Variants in SHC3 observed in about 807,000 individuals in gnomAD.
SHC3 encodes the protein SHC-transforming protein 3.
SHC3 carries 15 observed loss-of-function variants against 60.4 expected under a neutral mutation model. The observed-to-expected ratio is 0.25, with a 90% CI of 0.17 to 0.38. SHC3 has a LOEUF of 0.38. SHC3 is among the 10% of genes least tolerant of loss of function. The pLI is 1.00. For missense variants in SHC3, 677 were observed against 786.1 expected (o/e 0.86, Z 1.66); for synonymous variants, 294 against 325.9 (o/e 0.90, Z 1.05).
intron 2 of SHC3, among the ~76,000 whole-genome samples, chr9:89,083,062 C>T (rs1381058263): frequency 6.6e-6 from 1 of 152,214 alleles, no homozygotes; most frequent in Non-Finnish European, 1.5e-5. Flanking sequence ...AGCTCTCACC[C>T]CACACAAGGT....
At position 89,007,220 on chromosome 9, in the gene SHC3, C is replaced by T. The variant is rs1825952264; in HGVS notation, c.*6227G>A. 6.6e-6 allele frequency: 1 copy of T among 152,284 alleles called. No individual in the cohort carries two copies. The highest frequency in any genetic ancestry group is 2.1e-4 in the South Asian group (1 of 4,836). 9.4% of individuals were successfully genotyped at this position (152,284 alleles called of 1,614,324 possible). On this transcript the variant is annotated 3_prime_UTR_variant, in exon 12 of 12. Coordinates refer to ENST00000375835, the MANE Select transcript of SHC3 (RefSeq NM_016848.6). ...GCATCTCTACTGAGAGTGACAACTC[C>T]AGGCTGTCCACCCCCATCCTGAGCC...
chr9:89,032,945 TC>T (rs1824514580), intron 11 of SHC3, among the ~76,000 whole-genome samples: 1 of 152,148 alleles, frequency 6.6e-6, no homozygotes, highest in Non-Finnish European at 1.5e-5. Context: ...GTCTTTCATT[TC>T]CATTTTCTTT....
At position 89,086,989 on chromosome 9, in the gene SHC3, C is replaced by T. The variant is rs547480974; in HGVS notation, c.546-9086G>A. 2.3e-4 allele frequency among the ~76,000 whole-genome samples: 35 copies of T among 152,206 alleles called. No individual in the cohort carries two copies. The South Asian group carries it at 4.4e-3, about 19-fold the overall frequency. On this transcript the variant is annotated intron_variant, in intron 2 of 11. Transcript: ENST00000375835. ...TACAATAAATATATACACATACATA[C>T]GTGGCCCATGGGGTGATTGCACGTC...
chr9:89,032,834 C>G (rs898568071), intron 11 of SHC3, among the ~76,000 whole-genome samples: 1 of 152,174 alleles, frequency 6.6e-6, no homozygotes, highest in East Asian at 1.9e-4. Flanking sequence ...AGGGACCAAC[C>G]AATTACCATG....
intron 1 of SHC3, among the ~76,000 whole-genome samples, chr9:89,128,738 C>T (rs1826199751): frequency 6.6e-6 from 1 of 152,066 alleles, no homozygotes; most frequent in Non-Finnish European, 1.5e-5. Flanking sequence ...CACACGAAAA[C>T]CCCATCTGTA....
intron 2 of SHC3, among the ~76,000 whole-genome samples, chr9:89,105,268 G>A (rs1397421286): frequency 6.6e-6 from 1 of 152,138 alleles, no homozygotes; most frequent in Non-Finnish European, 1.5e-5. Context: ...ACTCCTGACT[G>A]TAGTCTCTGG....
intron 1 of SHC3, among the ~76,000 whole-genome samples, chr9:89,128,305 A>G (rs1440347792): frequency 3.9e-5 from 6 of 152,198 alleles, no homozygotes; most frequent in African/African-American, 1.4e-4. Context: ...AAAGTCACAA[A>G]CTGCTACTTT....
chr9:89,024,679 T>A (rs1410056960), intron 11 of SHC3, among the ~76,000 whole-genome samples: 1 of 152,234 alleles, frequency 6.6e-6, no homozygotes, highest in African/African-American at 2.4e-5. Flanking sequence ...AAGGACATGC[T>A]GGGGAACATT....
In SHC3 at chr9:89,010,528, C is replaced by T. The variant is rs532989539; in HGVS notation, c.*2919G>A. The T allele has an allele frequency of 5.9e-5, 9 of 152,334 alleles. No homozygotes were observed. The highest frequency in any genetic ancestry group is 1.3e-4 in the Non-Finnish European group (9 of 68,134). 9.4% of individuals were successfully genotyped at this position (152,334 alleles called of 1,614,324 possible). On this transcript the variant is annotated 3_prime_UTR_variant, in exon 12 of 12. Transcript: ENST00000375835. ...AGGGGCCGTTTTAGGACTGCTGGCC[C>T]CCACCTTGTACTCCCAGAAGACATA...
intron 2 of SHC3, among the ~76,000 whole-genome samples, chr9:89,097,779 A>C (rs1257615979): frequency 6.6e-6 from 1 of 152,212 alleles, no homozygotes; most frequent in Non-Finnish European, 1.5e-5. Context: ...CTCAAACCCA[A>C]GTTTGCAAAG....
intron 11 of SHC3, among the ~76,000 whole-genome samples, chr9:89,037,182 C>A (rs1824595903): frequency 6.6e-6 from 1 of 152,148 alleles, no homozygotes; most frequent in African/African-American, 2.4e-5. Flanking sequence ...TTGGGTAACA[C>A]CCCCACCCCC....
At chr9:89,059,957 C>A (rs1350401726) in intron 6 of SHC3, among the ~76,000 whole-genome samples, 1 of 123,536 alleles carries the variant, frequency 8.1e-6, no homozygotes, top group East Asian at 2.7e-4. Flanking sequence ...GTGAAGGACG[C>A]AGTGGAGGAC....
At chr9:89,086,507 A>T (rs1050384309) in intron 2 of SHC3, among the ~76,000 whole-genome samples, 2 of 152,214 alleles carry the variant, frequency 1.3e-5, no homozygotes, top group African/African-American at 4.8e-5. Context: ...CCCTCCCAGG[A>T]TGTGACGCCC....
chr9:89,101,050 C>T (rs533718045), intron 2 of SHC3, among the ~76,000 whole-genome samples: 13 of 152,270 alleles, frequency 8.5e-5, no homozygotes, highest in East Asian at 3.9e-4. Flanking sequence ...TCTATGAACA[C>T]GGTATATCTG....
At chr9:89,171,154 AG>A (rs1230914085) in intron 1 of SHC3, among the ~76,000 whole-genome samples, 2 of 152,216 alleles carry the variant, frequency 1.3e-5, no homozygotes, top group African/African-American at 4.8e-5. Context: ...AAACTGTAAG[AG>A]GCCCAGAGTA....
intron 6 of SHC3, among the ~76,000 whole-genome samples, chr9:89,063,232 C>A (rs970535233): frequency 1.3e-5 from 2 of 152,098 alleles, no homozygotes; most frequent in African/African-American, 2.4e-5. Context: ...CAGGTTCAAG[C>A]GATTCTTCTG....
At chr9:89,160,704 G>T (rs1241647547) in intron 1 of SHC3, among the ~76,000 whole-genome samples, 1 of 152,102 alleles carries the variant, frequency 6.6e-6, no homozygotes, top group Non-Finnish European at 1.5e-5. Context: ...ATCTCTCATG[G>T]CTGTCATTAA....
intron 1 of SHC3, among the ~76,000 whole-genome samples, chr9:89,116,261 G>A (rs909831618): frequency 2.4e-4 from 36 of 152,042 alleles, no homozygotes; most frequent in South Asian, 1.0e-3. Flanking sequence ...ACAGTACCAC[G>A]GTGTTGCACA....
intron 1 of SHC3, among the ~76,000 whole-genome samples, chr9:89,125,726 C>T (rs1000231623): frequency 1.3e-5 from 2 of 152,142 alleles, no homozygotes; most frequent in African/African-American, 4.8e-5. Context: ...TTCCCACCAG[C>T]GCCATGACAG....
Sources: allele counts gnomAD v4.1 joint callset (sites outside exome capture counted in the v4.1 genomes callset), GRCh38; gene constraint gnomAD v4.1.1; transcripts MANE v1.5; gene names NCBI Gene and HGNC (gene_info 2026-07-23, HGNC 2026-07-21).